TMEM135: variants seen among roughly 807,000 people sequenced by gnomAD.
TMEM135 encodes transmembrane protein 135.
Under a neutral mutation model 60.3 loss-of-function variants are expected in TMEM135, and 30 were observed. The ratio of observed to expected loss-of-function variants is 0.50; its 90% CI spans 0.37 to 0.68. The LOEUF (loss-of-function observed/expected upper bound fraction) is 0.68. Ranked by LOEUF, TMEM135 falls within the 30% of genes least tolerant of loss-of-function variation. The pLI, the probability that TMEM135 is intolerant of heterozygous loss-of-function variation, is 0.00. For missense variants in TMEM135, 468 were observed against 548.8 expected (o/e 0.85, Z 1.47); for synonymous variants, 190 against 186.7 (o/e 1.02, Z -0.14).
intron 5 of TMEM135, among the ~76,000 whole-genome samples, chr11:87,162,198 A>T (rs200532217): frequency 5.4e-4 from 62 of 115,036 alleles, no homozygotes; most frequent in African/African-American, 1.4e-3. Context: ...TATATCTTTT[A>T]TTTTTTTTTG....
intron 5 of TMEM135, among the ~76,000 whole-genome samples, chr11:87,158,618 C>A (rs650170): frequency 0.13 from 19,499 of 146,448 alleles, 1,327 homozygotes; most frequent in Middle Eastern, 0.15. Flanking sequence ...CCCGCCACAA[C>A]GCCCGGCTAA....
intron 6 of TMEM135, among the ~76,000 whole-genome samples, chr11:87,250,457 T>G (rs1237237841): frequency 6.6e-6 from 1 of 152,032 alleles, no homozygotes; most frequent in African/African-American, 2.4e-5. Context: ...TTCACTGTAT[T>G]TCATAGATTT....
chr11:87,114,971 T>G (rs1478633556), intron 4 of TMEM135, among the ~76,000 whole-genome samples: 1 of 152,196 alleles, frequency 6.6e-6, no homozygotes, highest in Admixed American at 6.5e-5. Context: ...TCCATTATAT[T>G]CATGCATAGT....
chr11:87,193,536 T>C (rs1232761670), intron 5 of TMEM135, among the ~76,000 whole-genome samples: 2 of 152,056 alleles, frequency 1.3e-5, no homozygotes, highest in African/African-American at 2.4e-5. Context: ...GAATTGAAAA[T>C]CACTGTTTTT....
intron 5 of TMEM135, among the ~76,000 whole-genome samples, chr11:87,168,978 G>T (rs949344164): frequency 6.6e-6 from 1 of 151,984 alleles, no homozygotes; most frequent in Non-Finnish European, 1.5e-5. Flanking sequence ...ATGAATCTGG[G>T]TGCTCCTGTA....
intron 1 of TMEM135, among the ~76,000 whole-genome samples, chr11:87,060,704 G>A (rs1464817596): frequency 1.3e-5 from 2 of 150,726 alleles, no homozygotes; most frequent in African/African-American, 2.4e-5. Flanking sequence ...TTGCAGTGGC[G>A]TGATCTCGGC....
In TMEM135 at chr11:87,328,254, C is replaced by T. The variant is rs913332734; in HGVS notation, c.*6921C>T. The T allele has an allele frequency of 2.2e-5, 10 of 453,970 alleles. No homozygotes were observed. Among genetic ancestry groups the T allele is most frequent in the Non-Finnish European group, 3.5e-5 (8 of 226,790 alleles). 28.1% of individuals were successfully genotyped at this position (453,970 alleles called of 1,614,324 possible). On this transcript the variant is annotated 3_prime_UTR_variant, in exon 15 of 15. Coordinates refer to ENST00000305494, the MANE Select transcript of TMEM135 (RefSeq NM_022918.4). ...TAGAATTCTCTTTTTCTCCACTCTT[C>T]TGTGTATGCTAAAATACTGTCAATC... is the stretch of plus-strand genomic sequence containing the variant.
At chr11:87,292,424 C>T (rs10751152) in intron 6 of TMEM135, among the ~76,000 whole-genome samples, 95,852 of 152,008 alleles carry the variant, frequency 0.63, 30,501 homozygotes, top group Non-Finnish European at 0.67. Flanking sequence ...TAATATTTAT[C>T]GAATAAGTTG....
intron 5 of TMEM135, among the ~76,000 whole-genome samples, chr11:87,179,987 C>G (rs1285417553): frequency 1.3e-5 from 2 of 152,038 alleles, no homozygotes; most frequent in Non-Finnish European, 2.9e-5. Flanking sequence ...TTCTTTTTCT[C>G]CCAGCTTGGA....
intron 1 of TMEM135, among the ~76,000 whole-genome samples, chr11:87,049,396 T>A (rs1483096342): frequency 1.2e-5 from 1 of 81,808 alleles, no homozygotes; most frequent in Non-Finnish European, 2.2e-5. Flanking sequence ...TCAAGACCCA[T>A]CAGTGTGCTG....
At chr11:87,210,215 A>G (rs1213328883) in intron 5 of TMEM135, among the ~76,000 whole-genome samples, 2 of 152,212 alleles carry the variant, frequency 1.3e-5, no homozygotes, top group Non-Finnish European at 2.9e-5. Flanking sequence ...CAAAAGATCA[A>G]TGGAACCAAA....
intron 6 of TMEM135, among the ~76,000 whole-genome samples, chr11:87,246,944 C>T (rs1239097006): frequency 8.6e-5 from 12 of 140,040 alleles, no homozygotes; most frequent in African/African-American, 3.2e-4. Context: ...TTTAGAGTTT[C>T]CAGTTTTTCT....
At chr11:87,285,466 C>G (rs1942146675) in intron 6 of TMEM135, among the ~76,000 whole-genome samples, 1 of 152,108 alleles carries the variant, frequency 6.6e-6, no homozygotes, top group Non-Finnish European at 1.5e-5. Flanking sequence ...GGTTCATGGA[C>G]TCACTGGCTT....
chr11:87,041,985 G>C (rs1949753872), intron 1 of TMEM135, among the ~76,000 whole-genome samples: 1 of 152,164 alleles, frequency 6.6e-6, no homozygotes. Flanking sequence ...CTGGTGTAGG[G>C]ACCAATGGAG....
intron 5 of TMEM135, among the ~76,000 whole-genome samples, chr11:87,201,969 T>TGTTATGTTAC (rs1249864350): frequency 2.7e-5 from 3 of 110,462 alleles, no homozygotes; most frequent in Non-Finnish European, 5.3e-5. Flanking sequence ...TGTTATGTTA[T>TGTTATGTTAC]GTTATGTTAT....
chr11:87,120,362 T>C (rs922095668), intron 4 of TMEM135, among the ~76,000 whole-genome samples: 9 of 151,836 alleles, frequency 5.9e-5, no homozygotes, highest in African/African-American at 1.9e-4. Context: ...CACTTTGGCC[T>C]CTCAAAACTC....
At chr11:87,165,974 G>A (rs4514447) in intron 5 of TMEM135, among the ~76,000 whole-genome samples, 53,160 of 147,362 alleles carry the variant, frequency 0.36, 10,455 homozygotes, top group East Asian at 0.66. Context: ...CTACGCGAAT[G>A]AACTAGAAAA....
chr11:87,158,175 C>G (rs1938755232), intron 5 of TMEM135, among the ~76,000 whole-genome samples: 1 of 152,134 alleles, frequency 6.6e-6, no homozygotes, highest in Admixed American at 6.5e-5. Flanking sequence ...ATTATCCTGC[C>G]TTTACCTCAC....
intron 4 of TMEM135, among the ~76,000 whole-genome samples, chr11:87,111,079 A>G (rs997187486): frequency 6.6e-6 from 1 of 152,190 alleles, no homozygotes; most frequent in East Asian, 1.9e-4. Flanking sequence ...CTTAAAATGT[A>G]GTTTCCTAAA....
Sources: gnomAD v4.1 joint callset for allele counts (sites outside exome capture counted in the v4.1 genomes callset) on GRCh38, gnomAD v4.1.1 for gene constraint, MANE v1.5 for transcripts, NCBI Gene and HGNC (gene_info 2026-07-23, HGNC 2026-07-21) for gene names.